Variants in MYSM1 observed in about 807,000 individuals in gnomAD.
MYSM1 encodes the protein deubiquitinase MYSM1.
A neutral mutation model predicts 116.0 loss-of-function variants in MYSM1; 51 were observed. The ratio of observed to expected loss-of-function variants is 0.44; its 90% CI spans 0.35 to 0.56. The LOEUF is 0.56. Among genes scored for constraint, MYSM1 ranks in the 20% least tolerant of loss-of-function variants. The probability of loss-of-function intolerance (pLI) is 0.00; values close to 1 mark genes in which losing one functional copy is unlikely to be tolerated. For missense variants in MYSM1, 900 were observed against 974.9 expected (o/e 0.92, Z 1.02); for synonymous variants, 313 against 315.2 (o/e 0.99, Z 0.07).
intron 19 of MYSM1, 57 bp from the exon 20 acceptor site, chr1:58,660,212 T>C: frequency 8.6e-7 from 1 of 1,156,848 alleles, no homozygotes. Context: ...GGGTTTGCAT[T>C]ACTATCACTA....
chr1:58,697,948 A>G (rs1398182535), intron 1 of MYSM1, among the ~76,000 whole-genome samples: 1 of 150,980 alleles, frequency 6.6e-6, no homozygotes, highest in Non-Finnish European at 1.5e-5. Context: ...CAAGTGCTTA[A>G]AAGTGTCTAT....
chr1:58,667,309 G>A (rs1286676782), intron 15 of MYSM1, 83 bp from the exon 16 acceptor site: 7 of 1,131,200 alleles, frequency 6.2e-6, no homozygotes, highest in Admixed American at 3.3e-5. Context: ...TCAAAGATAC[G>A]GAAACTTTTC....
chr1:58,700,003 G>T lies in MYSM1; in HGVS notation c.50C>A (p.Ala17Glu). The change falls in exon 1 of 20, where the codon GCG becomes GAG. Residue 17 changes from alanine to glutamate, a missense_variant. By Grantham distance (107) the Ala-to-Glu change is moderately radical. This residue lies in a region of MYSM1 where 622 missense variants were observed against 623.7 expected (regional missense o/e 1.00). Transcript: ENST00000472487. ...GCCTCACCCTGGCTGTGCCCCCGCC[G>T]CCGCTACCACGTCCCCTTCGATATC... ...DVDIEGDVVA[A>E]AGAQPGSGEN... The T allele has an allele frequency of 6.2e-7, 1 of 1,613,480 alleles. No homozygotes were observed. The highest frequency in any genetic ancestry group is 8.5e-7 in the Non-Finnish European group (1 of 1,179,990).
In MYSM1 at chr1:58,667,199, G is replaced by C; in HGVS notation, c.1870C>G (p.Leu624Val). ...ATCTCACACTGTAGTCCTGTACTCAGACTGTTACATGGTTCTGCTGCACAG... is the reference window on the plus strand; with the variant it reads ...ATCTCACACTGTAGTCCTGTACTCACACTGTTACATGGTTCTGCTGCACAG... ...EVCAAEPCNS[L>V]STGLQCEMDP... The change falls in exon 16 of 20, where the codon CTG becomes GTG. Residue 624 changes from leucine (L) to valine (V), a missense_variant. By Grantham distance (32) the Leu-to-Val change is conservative (BLOSUM62 1). Transcript: ENST00000472487. The C allele has an allele frequency of 6.2e-7, 1 of 1,600,434 alleles. No individual in the cohort carries two copies. Among genetic ancestry groups the C allele is most frequent in the East Asian group, 2.3e-5 (1 of 44,386 alleles).
At chr1:58,664,742 GTATT>G (rs1644442997) in intron 17 of MYSM1, among the ~76,000 whole-genome samples, 1 of 152,184 alleles carries the variant, frequency 6.6e-6, no homozygotes, top group Non-Finnish European at 1.5e-5. Flanking sequence ...GTACAATACA[GTATT>G]TATTCTCAAA....
chr1:58,682,491 G>C lies in MYSM1; in HGVS notation c.553C>G (p.Gln185Glu). ...TPNQKTGHNL[Q>E]VKNEDKGTKA... is the part of the protein sequence containing the mutation. Reference sequence around the variant, plus strand: ...GTCCCTTTATCTTCATTTTTAACTTGAAGATTATGGCCGGTCTTCTGATTT... The same window carrying C: ...GTCCCTTTATCTTCATTTTTAACTTCAAGATTATGGCCGGTCTTCTGATTT... Residue 185 changes from glutamine to glutamate, a missense_variant, in exon 8 of 20, where the codon CAA becomes GAA. This residue lies in a region of MYSM1 where 622 missense variants were observed against 623.7 expected (regional missense o/e 1.00). Coordinates refer to ENST00000472487, the MANE Select transcript of MYSM1 (RefSeq NM_001085487.3). 1 of 1,613,654 alleles carries C rather than the reference G, an allele frequency of 6.2e-7. No individual in the cohort carries two copies. Among genetic ancestry groups the C allele is most frequent in the East Asian group, 2.2e-5 (1 of 44,862 alleles).
In MYSM1 at chr1:58,685,269, GA is replaced by G; in HGVS notation, c.400-19del. 6.4e-7 allele frequency: 1 copy of G among 1,569,756 alleles called. No homozygotes were observed. ...AATTTAGCCTGTATTATTAAAATGGGAAAAAAAATTGCTTTTGATGAATTTA... is the reference window on the plus strand; with the variant it reads ...AATTTAGCCTGTATTATTAAAATGGGAAAAAAATTGCTTTTGATGAATTTA... On this transcript the variant is annotated intron_variant, in intron 6 of 19. Coordinates refer to ENST00000472487, the MANE Select transcript of MYSM1 (RefSeq NM_001085487.3).
At chr1:58,690,528 C>A in intron 3 of MYSM1, 111 bp from the exon 4 acceptor site, 1 of 700,310 alleles carries the variant, frequency 1.4e-6, no homozygotes, top group Non-Finnish European at 2.3e-6. Flanking sequence ...CCTTGTCTTC[C>A]CAATTAGAAG....
At position 58,658,920 on chromosome 1, in the gene MYSM1, G is replaced by C. The variant is rs529197452; in HGVS notation, c.*1077C>G. 1.3e-5 allele frequency: 2 copies of C among 149,094 alleles called. No homozygotes were observed. The highest frequency in any genetic ancestry group is 4.9e-5 in the African/African-American group (2 of 40,678). 9.2% of individuals were successfully genotyped at this position (149,094 alleles called of 1,614,324 possible). Reference sequence around the variant, plus strand: ...ACAGCCTATGTTTTATGAGGCCTGTGAGTTAACAATGGTTTTTATCATTTT... The same window carrying C: ...ACAGCCTATGTTTTATGAGGCCTGTCAGTTAACAATGGTTTTTATCATTTT... On this transcript the variant is annotated 3_prime_UTR_variant, in exon 20 of 20. Coordinates refer to ENST00000472487, the MANE Select transcript of MYSM1 (RefSeq NM_001085487.3).
intron 17 of MYSM1, among the ~76,000 whole-genome samples, chr1:58,661,760 C>T (rs115452541): frequency 0.014 from 2,193 of 152,056 alleles, 50 homozygotes; most frequent in African/African-American, 0.05. Context: ...GACAATTCTA[C>T]GCATGGCACT....
intron 6 of MYSM1, among the ~76,000 whole-genome samples, chr1:58,685,818 T>C (rs1338163690): frequency 1.3e-5 from 2 of 152,248 alleles, no homozygotes; most frequent in Non-Finnish European, 2.9e-5. Context: ...TAAGATGTTA[T>C]AAGCCCCAAG....
rs1227003630 is a variant in MYSM1, at chr1:58,699,985, C to T, written c.68G>A (p.Gly23Glu). 4 of 1,613,482 alleles carry T rather than the reference C, an allele frequency of 2.5e-6. No homozygotes were observed. The African/African-American group carries it at 4.0e-5, about 16-fold the overall frequency. The change falls in exon 1 of 20, where the codon GGA becomes GAA. Residue 23 changes from glycine (G) to glutamate (E), a missense_variant and splice_region_variant. By Grantham distance (98) the Gly-to-Glu change is moderately conservative (BLOSUM62 -2). Transcript: ENST00000472487. ...GAGAGACCCGGTCTCTAAGCCTCAC[C>T]CTGGCTGTGCCCCCGCCGCCGCTAC... is the stretch of plus-strand genomic sequence containing the variant. ...DVVAAAGAQP[G>E]SGENTASVLQ...
At chr1:58,698,842 C>A (rs905002733) in intron 1 of MYSM1, among the ~76,000 whole-genome samples, 2 of 152,192 alleles carry the variant, frequency 1.3e-5, no homozygotes, top group African/African-American at 2.4e-5. Flanking sequence ...AGTTTAATCA[C>A]CCCTCACGTC....
intron 1 of MYSM1, among the ~76,000 whole-genome samples, chr1:58,696,590 T>C (rs1164043020): frequency 6.6e-6 from 1 of 152,234 alleles, no homozygotes; most frequent in Non-Finnish European, 1.5e-5. Context: ...ATTTTCATAC[T>C]ACCTCTGAGG....
chr1:58,668,715 G>A, intron 13 of MYSM1, 33 bp from the exon 14 acceptor site: 2 of 1,567,906 alleles, frequency 1.3e-6, no homozygotes, highest in African/African-American at 2.7e-5. Flanking sequence ...AAACGGGGGA[G>A]CATAAAAATA....
At chr1:58,689,014 A>C in intron 6 of MYSM1, 24 bp downstream of exon 6, 1 of 1,583,882 alleles carries the variant, frequency 6.3e-7, no homozygotes, top group Non-Finnish European at 8.6e-7. Flanking sequence ...TATTTTACTA[A>C]AAATTTAAAA....
intron 9 of MYSM1, among the ~76,000 whole-genome samples, chr1:58,676,162 T>C (rs1278825158): frequency 1.3e-5 from 2 of 152,152 alleles, no homozygotes; most frequent in Admixed American, 6.5e-5. Context: ...CTCACGCCTG[T>C]GATCCCAGCA....
intron 6 of MYSM1, among the ~76,000 whole-genome samples, chr1:58,686,067 A>C (rs559961464): frequency 2.7e-4 from 41 of 152,296 alleles, no homozygotes; most frequent in African/African-American, 8.9e-4. Flanking sequence ...CTGGGACTAC[A>C]GGTACGCACC....
chr1:58,655,127 T>G lies in MYSM1; in HGVS notation c.*4870A>C, dbSNP rs980063841. 2 of 152,204 alleles carry G rather than the reference T, an allele frequency of 1.3e-5. No homozygotes were observed. Among genetic ancestry groups the G allele is most frequent in the Non-Finnish European group, 2.9e-5 (2 of 68,026 alleles). 9.4% of individuals were successfully genotyped at this position (152,204 alleles called of 1,614,324 possible). Reference sequence around the variant, plus strand: ...ACTTATACACAACACATAATTTACATGTCAAATCCACAAATCTAAAAGATA... The same window carrying G: ...ACTTATACACAACACATAATTTACAGGTCAAATCCACAAATCTAAAAGATA... On this transcript the variant is annotated 3_prime_UTR_variant, in exon 20 of 20. Transcript: ENST00000472487.
Sources: gnomAD v4.1 joint callset for allele counts (sites outside exome capture counted in the v4.1 genomes callset) on GRCh38, gnomAD v4.1.1 for gene constraint, gnomAD v4.1.1 regional missense constraint, MANE v1.5 for transcripts, NCBI Gene and HGNC (gene_info 2026-07-23, HGNC 2026-07-21) for gene names.